Variants in STIM1 observed in about 807,000 individuals in gnomAD.
The protein encoded by STIM1 is stromal interaction molecule 1.
STIM1 carries 25 observed loss-of-function variants against 74.7 expected under a neutral mutation model. That is an observed-to-expected ratio of 0.33 (90% CI 0.24 to 0.47). The LOEUF is 0.47. STIM1 is among the 20% of genes least tolerant of loss of function. STIM1 has a pLI of 1.00. For synonymous variants in STIM1, 328 were observed against 348.8 expected, an observed-to-expected ratio of 0.94 and a Z score of 0.66; for missense variants, 728 against 920.8, an observed-to-expected ratio of 0.79 and a Z score of 2.71.
chr11:3,928,479 G>A (rs770776411), intron 1 of STIM1, among the ~76,000 whole-genome samples: 1 of 151,970 alleles, frequency 6.6e-6, no homozygotes, highest in African/African-American at 2.4e-5. Flanking sequence ...CACCCACCTC[G>A]GCCTCCCAAA....
chr11:3,900,420 G>A (rs543146472), intron 1 of STIM1, among the ~76,000 whole-genome samples: 17 of 152,240 alleles, frequency 1.1e-4, no homozygotes, highest in East Asian at 1.9e-4. Context: ...GCTTCGGCTC[G>A]TGCACGGTGC....
chr11:4,055,452 A>G, intron 3 of STIM1, 74 bp from the exon 4 acceptor site: 1 of 1,130,826 alleles, frequency 8.8e-7, no homozygotes, highest in Non-Finnish European at 1.3e-6. Flanking sequence ...GGTAAATATT[A>G]AGGTCAGCAT....
chr11:3,992,581 T>G (rs988724022), intron 2 of STIM1, among the ~76,000 whole-genome samples: 1 of 152,230 alleles, frequency 6.6e-6, no homozygotes, highest in African/African-American at 2.4e-5. Context: ...TTCACTTTCT[T>G]GGTTGTATCC....
At chr11:3,857,944 T>C (rs1031599088) in intron 1 of STIM1, among the ~76,000 whole-genome samples, 5 of 152,362 alleles carry the variant, frequency 3.3e-5, no homozygotes, top group South Asian at 2.1e-4. Flanking sequence ...TGTCTCTCCA[T>C]AGAGAGTCTC....
chr11:4,050,519 T>C (rs1044219421), intron 3 of STIM1, among the ~76,000 whole-genome samples: 4 of 152,236 alleles, frequency 2.6e-5, no homozygotes, highest in African/African-American at 9.6e-5. Context: ...TCTTTTTGAA[T>C]TGCAATTATG....
At chr11:3,993,474 T>C (rs752399850) in intron 2 of STIM1, among the ~76,000 whole-genome samples, 4 of 152,112 alleles carry the variant, frequency 2.6e-5, no homozygotes, top group Non-Finnish European at 4.4e-5. Context: ...CTGGCCAACA[T>C]AGTAAAACCC....
chr11:3,956,823 CAAAAAA>C (rs78285130), intron 1 of STIM1, among the ~76,000 whole-genome samples: 16 of 38,194 alleles, frequency 4.2e-4, no homozygotes, highest in South Asian at 1.7e-3. Context: ...ACCCTGTCTC[CAAAAAA>C]AAAAAAAAAA....
intron 2 of STIM1, among the ~76,000 whole-genome samples, chr11:4,004,239 A>G (rs1437141484): frequency 3.9e-5 from 6 of 152,168 alleles, no homozygotes; most frequent in Non-Finnish European, 7.4e-5. Context: ...GGAAAAAACT[A>G]AAGTTCATAT....
At chr11:3,935,391 T>A (rs1590580210) in intron 1 of STIM1, among the ~76,000 whole-genome samples, 1 of 152,340 alleles carries the variant, frequency 6.6e-6, no homozygotes, top group East Asian at 1.9e-4. Context: ...GTCTCTGATA[T>A]CAGTTTATGT....
intron 5 of STIM1, 51 bp from the exon 6 acceptor site, chr11:4,069,975 C>T (rs766459898): frequency 3.7e-6 from 6 of 1,603,104 alleles, no homozygotes; most frequent in Admixed American, 1.7e-5. Context: ...GTCTGCAAGG[C>T]TAAGTGTGCA....
At chr11:3,946,482 A>G (rs1290126427) in intron 1 of STIM1, among the ~76,000 whole-genome samples, 2 of 152,130 alleles carry the variant, frequency 1.3e-5, no homozygotes, top group African/African-American at 2.4e-5. Flanking sequence ...AGGACAAAGA[A>G]AGTAGCATAC....
intron 10 of STIM1, among the ~76,000 whole-genome samples, chr11:4,084,176 G>A (rs1361738047): frequency 1.3e-5 from 2 of 152,180 alleles, no homozygotes; most frequent in African/African-American, 4.8e-5. Flanking sequence ...GTGAATGAAG[G>A]GAGTTTTCCC....
Position 3,856,241 on chromosome 11 carries a change from T to G in STIM1, c.-30T>G, listed in dbSNP as rs1403942942. 8.7e-6 allele frequency: 14 copies of G among 1,613,642 alleles called. No homozygotes were observed. Among genetic ancestry groups the G allele is most frequent in the Non-Finnish European group, 1.0e-5 (12 of 1,179,956 alleles). ...CCTCTGGGATCCCGAGGTGTCCACA[T>G]CAGACGCATGTTGACTGAGACCTAG... is the stretch of plus-strand genomic sequence containing the variant. On this transcript the variant is annotated 5_prime_UTR_variant, in exon 1 of 13. Coordinates refer to ENST00000526596, the MANE Select transcript of STIM1 (RefSeq NM_001382567.1).
chr11:3,930,769 T>C (rs1048863515), intron 1 of STIM1, among the ~76,000 whole-genome samples: 3 of 152,234 alleles, frequency 2.0e-5, no homozygotes, highest in African/African-American at 7.2e-5. Flanking sequence ...CTTCCATGCA[T>C]GGGCATTTGG....
rs550368016 is a variant in STIM1, at chr11:3,918,640, C to G, written c.140-48912C>G. ...GTATGATTTTGGCTTGGGTCCTATG[C>G]CCATCCTAAAGTAATCACTGTGGCC... On this transcript the variant is annotated intron_variant, in intron 1 of 12. Transcript: ENST00000526596. 2.0e-4 allele frequency among the ~76,000 whole-genome samples: 31 copies of G among 152,228 alleles called. No individual in the cohort carries two copies. The South Asian group carries it at 4.4e-3, about 21-fold the overall frequency.
chr11:3,997,389 C>T (rs4910590), intron 2 of STIM1, among the ~76,000 whole-genome samples: 36,521 of 152,074 alleles, frequency 0.24, 5,510 homozygotes, highest in South Asian at 0.45. Flanking sequence ...GGCACAATGG[C>T]GTGCACCTGT....
rs759378488 is a variant in STIM1, at chr11:4,023,951, G to C, written c.349G>C (p.Val117Leu). 1 of 1,614,114 alleles carries C rather than the reference G, an allele frequency of 6.2e-7. No individual in the cohort carries two copies. The highest frequency in any genetic ancestry group is 8.5e-7 in the Non-Finnish European group (1 of 1,179,988). ...TFHGEDKLIS[V>L]EDLWKAWKSS... is the part of the protein sequence containing the mutation. Reference sequence around the variant, plus strand: ...CCATGGTGAGGATAAGCTCATCAGCGTGGAGGACCTGTGGAAGGCATGGAA... The same window carrying C: ...CCATGGTGAGGATAAGCTCATCAGCCTGGAGGACCTGTGGAAGGCATGGAA... The change falls in exon 3 of 13, where the codon GTG (valine) becomes CTG (leucine). Residue 117 changes from valine (V) to leucine (L), a missense_variant. Around this residue, in one of 5 missense-constraint regions of STIM1, gnomAD observed 51 missense variants for 101.1 expected, o/e 0.50. Coordinates refer to ENST00000526596, the MANE Select transcript of STIM1 (RefSeq NM_001382567.1).
At chr11:3,909,683 G>C (rs2092528466) in intron 1 of STIM1, among the ~76,000 whole-genome samples, 1 of 151,854 alleles carries the variant, frequency 6.6e-6, no homozygotes, top group Non-Finnish European at 1.5e-5. Flanking sequence ...AATTAGCCTG[G>C]TGCGGTGGTG....
Position 3,856,380 on chromosome 11 carries a change from G to C in STIM1, c.110G>C (p.Gly37Ala), listed in dbSNP as rs201156770. The C allele has an allele frequency of 6.2e-6, 10 of 1,614,134 alleles. No individual in the cohort carries two copies. In the Admixed American group the frequency reaches 1.0e-4, roughly 16 times the overall value. Residue 37 changes from glycine to alanine, a missense_variant, in exon 1 of 13, where the codon GGG (glycine) becomes GCG (alanine). Gly to Ala is a moderately conservative substitution (Grantham distance 60). Around this residue, in one of 5 missense-constraint regions of STIM1, gnomAD observed 62 missense variants for 55.5 expected, o/e 1.12. Transcript: ENST00000526596. ...HSEKATGTSS[G>A]ANSEESTAAE... is the part of the protein sequence containing the mutation. ...GAGAAGGCGACAGGAACCAGCTCGG[G>C]GGCCAACTCTGAGGAGTCCACTGCA...
Sources: allele counts gnomAD v4.1 joint callset (sites outside exome capture counted in the v4.1 genomes callset), GRCh38; gene constraint gnomAD v4.1.1; regional missense constraint gnomAD v4.1.1; transcripts MANE v1.5; gene names NCBI Gene and HGNC (gene_info 2026-07-23, HGNC 2026-07-21).